FAF1: variants seen among roughly 807,000 people sequenced by gnomAD.
FAF1 encodes the protein Fas associated factor 1.
FAF1 carries 25 observed loss-of-function variants against 92.5 expected under a neutral mutation model. The observed-to-expected ratio is 0.27, with a 90% CI of 0.20 to 0.38. The LOEUF (loss-of-function observed/expected upper bound fraction) is 0.38, where lower values mean the gene tolerates loss of function less well. FAF1 is among the 10% of genes least tolerant of loss of function. The pLI, the probability that FAF1 is intolerant of heterozygous loss-of-function variation, is 1.00. For missense variants in FAF1, 636 were observed against 793.3 expected, an observed-to-expected ratio of 0.80 and a Z score of 2.38; for synonymous variants, 234 against 273.2, an observed-to-expected ratio of 0.86 and a Z score of 1.42.
rs113943380 is a variant in FAF1, at chr1:50,632,026, G to A, written c.744+23416C>T. 1.5e-3 allele frequency among the ~76,000 whole-genome samples: 229 copies of A among 152,248 alleles called. 2 individuals are homozygous for A. Among genetic ancestry groups the A allele is most frequent in the Middle Eastern group, 3.4e-3 (1 of 294 alleles). ...ATGAAAAAACATAGTATATACAGAG[G>A]TTGGTATTATCAGTAGTTTCAGGCA... On this transcript the variant is annotated intron_variant, in intron 8 of 18. Transcript: ENST00000396153.
At chr1:50,933,125 C>G (rs1645061398) in intron 1 of FAF1, among the ~76,000 whole-genome samples, 1 of 152,210 alleles carries the variant, frequency 6.6e-6, no homozygotes, top group Non-Finnish European at 1.5e-5. Context: ...CTGACATGAC[C>G]TGGAGACATT....
intron 18 of FAF1, chr1:50,452,096 G>A (rs532270006): frequency 4.5e-6 from 6 of 1,345,360 alleles, no homozygotes; most frequent in Non-Finnish European, 5.9e-6. Flanking sequence ...CTAAAAACAG[G>A]AGATGATCCA....
At chr1:50,602,119 T>A (rs1482268879) in intron 8 of FAF1, among the ~76,000 whole-genome samples, 2 of 152,226 alleles carry the variant, frequency 1.3e-5, no homozygotes, top group Admixed American at 6.5e-5. Flanking sequence ...TTGCTCTGCA[T>A]GTGACACACC....
At chr1:50,456,622 AATTT>A (rs1646355611) in intron 18 of FAF1, among the ~76,000 whole-genome samples, 1 of 152,220 alleles carries the variant, frequency 6.6e-6, no homozygotes, top group African/African-American at 2.4e-5. Flanking sequence ...TATTTCTTCT[AATTT>A]ATTTACTACA....
At position 50,480,711 on chromosome 1, in the gene FAF1, C is replaced by T. The variant is rs115288858; in HGVS notation, c.1654-5032G>A. Among the ~76,000 whole-genome samples, 1,257 of 152,242 alleles carry T rather than the reference C, an allele frequency of 8.3e-3. 17 individuals carry two copies. The highest frequency in any genetic ancestry group is 0.029 in the African/African-American group (1,210 of 41,538). On this transcript the variant is annotated intron_variant, in intron 17 of 18. Coordinates refer to ENST00000396153, the MANE Select transcript of FAF1 (RefSeq NM_007051.3). ...CCATGGAGGTCTCGTAAGATTATAA[C>T]GGAGCTGAAAAATTCCTATTGCCTA...
chr1:50,952,967 G>C (rs1477678434), intron 1 of FAF1, among the ~76,000 whole-genome samples: 1 of 152,240 alleles, frequency 6.6e-6, no homozygotes, highest in Non-Finnish European at 1.5e-5. Context: ...GGAAATGTGG[G>C]GAAAAGAAAG....
chr1:50,842,797 A>C (rs1429850220), intron 2 of FAF1, among the ~76,000 whole-genome samples: 1 of 152,084 alleles, frequency 6.6e-6, no homozygotes, highest in Non-Finnish European at 1.5e-5. Flanking sequence ...ATGCTATTCT[A>C]TTATTCTATT....
At chr1:50,690,770 C>T (rs1656884385) in intron 7 of FAF1, among the ~76,000 whole-genome samples, 1 of 152,122 alleles carries the variant, frequency 6.6e-6, no homozygotes, top group East Asian at 1.9e-4. Context: ...TTTTCCCTTC[C>T]CTCCAGCCAG....
chr1:50,913,403 G>A (rs1644899778), intron 1 of FAF1, among the ~76,000 whole-genome samples: 1 of 152,222 alleles, frequency 6.6e-6, no homozygotes, highest in African/African-American at 2.4e-5. Context: ...CAAGTGGCAT[G>A]TGCAACTTAC....
At chr1:50,638,018 TA>T (rs970162534) in intron 8 of FAF1, among the ~76,000 whole-genome samples, 1 of 152,176 alleles carries the variant, frequency 6.6e-6, no homozygotes, top group African/African-American at 2.4e-5. Flanking sequence ...ATAGATCTTA[TA>T]AATATTTTAT....
chr1:50,499,229 T>C (rs1228372241), intron 15 of FAF1, among the ~76,000 whole-genome samples: 6 of 152,118 alleles, frequency 3.9e-5, no homozygotes, highest in Non-Finnish European at 7.4e-5. Flanking sequence ...TGGGGAGTTA[T>C]TGCTTATTAG....
At chr1:50,680,558 C>T (rs533243915) in intron 7 of FAF1, among the ~76,000 whole-genome samples, 1 of 152,096 alleles carries the variant, frequency 6.6e-6, no homozygotes, top group East Asian at 1.9e-4. Flanking sequence ...TGGTGGGTGT[C>T]TGTAATCCCA....
At chr1:50,672,503 G>A (rs1275420291) in intron 7 of FAF1, among the ~76,000 whole-genome samples, 1 of 151,392 alleles carries the variant, frequency 6.6e-6, no homozygotes, top group African/African-American at 2.4e-5. Context: ...GGCTGGTCTC[G>A]AACTCCTGGA....
At chr1:50,673,807 C>T (rs1656001550) in intron 7 of FAF1, among the ~76,000 whole-genome samples, 1 of 152,114 alleles carries the variant, frequency 6.6e-6, no homozygotes, top group Admixed American at 6.6e-5. Flanking sequence ...TATCAAGTAA[C>T]ATATATACAT....
intron 18 of FAF1, among the ~76,000 whole-genome samples, chr1:50,443,136 T>C (rs898870498): frequency 6.6e-6 from 1 of 152,240 alleles, no homozygotes; most frequent in African/African-American, 2.4e-5. Context: ...TTAATTAACA[T>C]GCCAGAGCTC....
chr1:50,677,064 T>C (rs1445476849), intron 7 of FAF1, among the ~76,000 whole-genome samples: 1 of 152,156 alleles, frequency 6.6e-6, no homozygotes, highest in Non-Finnish European at 1.5e-5. Context: ...CATTAGTCAC[T>C]TTATAATTGA....
chr1:50,851,541 A>G (rs1459009407), intron 2 of FAF1, among the ~76,000 whole-genome samples: 1 of 152,220 alleles, frequency 6.6e-6, no homozygotes. Context: ...CATAAGTAGT[A>G]CTAGATATCA....
rs770505051 is a variant in FAF1, at chr1:50,583,696, A to C, written c.987T>G (p.Asn329Lys). 3 of 1,574,162 alleles carry C rather than the reference A, an allele frequency of 1.9e-6. No individual in the cohort carries two copies. ...TAAATTGTAATAAGGCATCTCCTTC[A>C]TTTTCTGCGTTTTCTGGCACTAAAA... ...KSPMMPENAE[N>K]EGDALLQFTA... Residue 329 changes from asparagine (N) to lysine (K), a missense_variant, in exon 11 of 19, where the codon AAT becomes AAG. By Grantham distance (94) the Asn-to-Lys change is moderately conservative. This residue lies in a region of FAF1 where 319 missense variants were observed against 451.0 expected (regional missense o/e 0.71). Transcript: ENST00000396153. The surrounding 1 kb of genome is among the most constrained non-coding windows in gnomAD (Gnocchi z 4.2).
intron 1 of FAF1, among the ~76,000 whole-genome samples, chr1:50,926,001 A>G (rs1464492698): frequency 1.3e-5 from 2 of 152,224 alleles, no homozygotes; most frequent in South Asian, 2.1e-4. Flanking sequence ...GGGTCGCTTA[A>G]GGCCAGGAGT....
Sources: allele counts gnomAD v4.1 joint callset (sites outside exome capture counted in the v4.1 genomes callset), GRCh38; gene constraint gnomAD v4.1.1; regional missense constraint gnomAD v4.1.1; non-coding constraint Gnocchi (gnomAD v3.1); transcripts MANE v1.5; gene names NCBI Gene and HGNC (gene_info 2026-07-23, HGNC 2026-07-21).